PNPLA7: variants seen among roughly 807,000 people sequenced by gnomAD.
The protein encoded by PNPLA7 is patatin-like phospholipase domain-containing protein 7.
Under a neutral mutation model 161.7 loss-of-function variants are expected in PNPLA7, and 153 were observed. The ratio of observed to expected loss-of-function variants is 0.95; its 90% CI spans 0.83 to 1.08. The LOEUF is 1.08. Ranked by LOEUF, PNPLA7 falls within the 50% of genes least tolerant of loss-of-function variation. PNPLA7 has a pLI of 0.00. For missense variants in PNPLA7, 1,739 were observed against 1,856.6 expected (o/e 0.94, Z 1.16); for synonymous variants, 809 against 782.1 (o/e 1.03, Z -0.57).
At chr9:137,508,682 TACAG>T (rs1834046438) in intron 12 of PNPLA7, 2 of 152,168 alleles carry the variant, frequency 1.3e-5, no homozygotes, top group South Asian at 2.1e-4. Context: ...CGTTAAATCT[TACAG>T]ACAGATTTCT....
At chr9:137,501,588 C>T (rs1833419647) in intron 15 of PNPLA7, 62 bp downstream of exon 15, 4 of 1,510,666 alleles carry the variant, frequency 2.6e-6, no homozygotes, top group South Asian at 2.3e-5. Context: ...CTCTGGTGCT[C>T]CACTTGGCAC....
At chr9:137,472,206 C>G (rs1831737029) in intron 25 of PNPLA7, among the ~76,000 whole-genome samples, 1 of 152,024 alleles carries the variant, frequency 6.6e-6, no homozygotes, top group Non-Finnish European at 1.5e-5. Flanking sequence ...TGACAGGGGC[C>G]TCAGCAGTTC....
chr9:137,489,163 A>G (rs1230066727), intron 20 of PNPLA7, among the ~76,000 whole-genome samples: 4 of 152,298 alleles, frequency 2.6e-5, no homozygotes, highest in Admixed American at 6.5e-5. Context: ...GTAGGAGATC[A>G]AGAAAGCCTC....
intron 29 of PNPLA7, 161 bp downstream of exon 29, chr9:137,463,254 C>T (rs912977140): frequency 1.9e-5 from 13 of 673,668 alleles, no homozygotes; most frequent in Admixed American, 1.3e-4. Flanking sequence ...TGCATGTTCT[C>T]GGAGCTCTGA....
intron 26 of PNPLA7, among the ~76,000 whole-genome samples, chr9:137,466,987 A>T (rs1310497333): frequency 7.0e-6 from 1 of 141,924 alleles, no homozygotes; most frequent in East Asian, 2.1e-4. Context: ...CACCGTCTCC[A>T]CCATCTCAGA....
At chr9:137,539,574 T>A (rs1015235061) in intron 8 of PNPLA7, among the ~76,000 whole-genome samples, 1 of 151,838 alleles carries the variant, frequency 6.6e-6, no homozygotes, top group Non-Finnish European at 1.5e-5. Context: ...GAAGCTGAGG[T>A]GAGAGAATTG....
chr9:137,482,586 A>G (rs1445492033), intron 21 of PNPLA7, among the ~76,000 whole-genome samples: 1 of 152,236 alleles, frequency 6.6e-6, no homozygotes. Flanking sequence ...GCTGGGTGAC[A>G]ACATGGCAGC....
At position 137,541,711 on chromosome 9, in the gene PNPLA7, G is replaced by A. The variant is rs770334303; in HGVS notation, c.666+931C>T. ...AGGGTCTGGCCCAGCACCCACCCCC[G>A]AGCAGCGATTCAAAGGGTGGAATTT... On this transcript the variant is annotated intron_variant, in intron 7 of 34. Transcript: ENST00000406427. This position sits in a 1 kb window ranked among gnomAD's most constrained non-coding sequence, Gnocchi z 4.4. Among the ~76,000 whole-genome samples, 3 of 152,194 alleles carry A rather than the reference G, an allele frequency of 2.0e-5. No individual in the cohort carries two copies. The highest frequency in any genetic ancestry group is 6.5e-5 in the Admixed American group (1 of 15,276).
intron 23 of PNPLA7, chr9:137,479,773 A>G: frequency 1.0e-6 from 1 of 985,420 alleles, no homozygotes; most frequent in Non-Finnish European, 1.2e-6. Flanking sequence ...AGGTGGAAGG[A>G]AGCAATCAGG....
In PNPLA7 at chr9:137,500,611, A is replaced by T; in HGVS notation, c.1757+80T>A. On this transcript the variant is annotated intron_variant, in intron 16 of 34. Transcript: ENST00000406427. The surrounding 1 kb of genome is among the most constrained non-coding windows in gnomAD (Gnocchi z 5.5). ...CAGGGAAGAGGGTGAGAGCACCAGGAAGAGGCCGGCCACGCGGGGAGGGGT... is the reference window on the plus strand; with the variant it reads ...CAGGGAAGAGGGTGAGAGCACCAGGTAGAGGCCGGCCACGCGGGGAGGGGT... 1 of 1,343,928 alleles carries T rather than the reference A, an allele frequency of 7.4e-7. No individual in the cohort carries two copies. Among genetic ancestry groups the T allele is most frequent in the South Asian group, 1.3e-5 (1 of 77,940 alleles). 83.3% of individuals were successfully genotyped at this position (1,343,928 alleles called of 1,614,324 possible).
chr9:137,537,042 T>C lies in PNPLA7; in HGVS notation c.747+3600A>G, dbSNP rs924156637. 6.8e-6 allele frequency among the ~76,000 whole-genome samples: 1 copy of C among 146,456 alleles called. No homozygotes were observed. Among genetic ancestry groups the C allele is most frequent in the Non-Finnish European group, 1.5e-5 (1 of 66,914 alleles). On this transcript the variant is annotated intron_variant, in intron 8 of 34. Coordinates refer to ENST00000406427, the MANE Select transcript of PNPLA7 (RefSeq NM_001098537.3). This position sits in a 1 kb window ranked among gnomAD's most constrained non-coding sequence, Gnocchi z 4.5. ...GGGGGCCATCCACCGAGCCACACTT[T>C]ATCTCCCACAACAGGAAGTCAGTGT...
intron 25 of PNPLA7, among the ~76,000 whole-genome samples, chr9:137,469,787 G>C (rs73669109): frequency 0.012 from 1,821 of 152,250 alleles, 38 homozygotes; most frequent in African/African-American, 0.039. Flanking sequence ...CGGACAGCCC[G>C]GGTGAAGCCG....
Position 137,540,542 on chromosome 9 carries a change from C to T in PNPLA7, c.747+100G>A. The stretch of plus-strand genomic sequence containing the variant: ...GCTCCCCTCACATCACTGTGGAGAA[C>T]TGGCCTTTAACCACTACCAGCTGTC... On this transcript the variant is annotated intron_variant, in intron 8 of 34. Transcript: ENST00000406427. This position sits in a 1 kb window ranked among gnomAD's most constrained non-coding sequence, Gnocchi z 5.1. 7.5e-6 allele frequency: 8 copies of T among 1,066,916 alleles called. No individual in the cohort carries two copies. The South Asian group carries it at 1.1e-4, about 15-fold the overall frequency. 66.1% of individuals were successfully genotyped at this position (1,066,916 alleles called of 1,614,324 possible). A position where few individuals can be genotyped will look rare whatever the true frequency, so the allele number is the denominator to read the frequency against.
rs761734441 is a variant in PNPLA7 at position 137,520,017 on chromosome 9, A to C, written c.984T>G (p.Ser328=). 9.9e-6 allele frequency: 16 copies of C among 1,612,566 alleles called. 1 individual carries two copies. Among genetic ancestry groups the C allele is most frequent in the African/African-American group, 9.3e-5 (7 of 74,922 alleles). ...CCTTCCCGGCAGCCACACTGGCTAC[A>C]GACACGAGAGGGATGGCCTGGCTCT... ...NAESQAIPLV[S]VASVAAGKAK... Residue 328 remains serine, a synonymous_variant, in exon 11 of 35, where the codon TCT becomes TCG. Transcript: ENST00000406427. The surrounding 1 kb of genome is among the most constrained non-coding windows in gnomAD (Gnocchi z 5.2).
At chr9:137,514,237 C>T (rs990054162) in intron 12 of PNPLA7, among the ~76,000 whole-genome samples, 1 of 146,966 alleles carries the variant, frequency 6.8e-6, no homozygotes, top group Non-Finnish European at 1.5e-5. Flanking sequence ...TGCCCGGGCC[C>T]TGTGGCTGGG....
chr9:137,532,224 G>C (rs898641964), intron 8 of PNPLA7, among the ~76,000 whole-genome samples: 1 of 152,216 alleles, frequency 6.6e-6, no homozygotes, highest in Non-Finnish European at 1.5e-5. Context: ...ATCGCTTGAG[G>C]TCAGGAGTTG....
intron 14 of PNPLA7, among the ~76,000 whole-genome samples, chr9:137,503,209 C>T (rs1477560522): frequency 6.6e-6 from 1 of 151,860 alleles, no homozygotes; most frequent in Non-Finnish European, 1.5e-5. Flanking sequence ...TGGCAAAACC[C>T]CGTCTACACT....
chr9:137,501,514 G>T, intron 15 of PNPLA7, 136 bp downstream of exon 15: 1 of 835,044 alleles, frequency 1.2e-6, no homozygotes, highest in Non-Finnish European at 1.9e-6. Flanking sequence ...CTGCCATGGT[G>T]CCCAGAGGGG....
In PNPLA7 at chr9:137,460,488, C is replaced by T. The variant is rs1460895837; in HGVS notation, c.3946-12G>A. ...GAGGACTCGTCCTCCTGCAAGCAGA[C>T]CGCATGTTCCAGGTGAGGACCAGGC... On this transcript the variant is annotated splice_polypyrimidine_tract_variant and intron_variant, in intron 34 of 34. Transcript: ENST00000406427. 9 of 1,611,960 alleles carry T rather than the reference C, an allele frequency of 5.6e-6. No homozygotes were observed. The highest frequency in any genetic ancestry group is 2.2e-5 in the East Asian group (1 of 44,894).
Sources: gnomAD v4.1 joint callset for allele counts (sites outside exome capture counted in the v4.1 genomes callset) on GRCh38, gnomAD v4.1.1 for gene constraint, Gnocchi (gnomAD v3.1) non-coding constraint, MANE v1.5 for transcripts, NCBI Gene and HGNC (gene_info 2026-07-23, HGNC 2026-07-21) for gene names.